The following ABCB4 variants were observed in gnomAD, a reference collection of about 807,000 sequenced individuals.
ABCB4 encodes the protein ATP binding cassette subfamily B member 4, also known as phosphatidylcholine translocator ABCB4.
Under a neutral mutation model 145.7 loss-of-function variants are expected in ABCB4, and 76 were observed. That is an observed-to-expected ratio of 0.52 (90% CI 0.43 to 0.63). The LOEUF (loss-of-function observed/expected upper bound fraction) is 0.63. ABCB4 is among the 30% of genes least tolerant of loss of function. The probability of loss-of-function intolerance (pLI) is 0.00; values close to 1 mark genes in which losing one functional copy is unlikely to be tolerated. For missense variants in ABCB4, 1,234 were observed against 1,553.1 expected, an observed-to-expected ratio of 0.79 and a Z score of 3.45; for synonymous variants, 517 against 566.8, an observed-to-expected ratio of 0.91 and a Z score of 1.25.
At chr7:87,409,463 T>C in intron 23 of ABCB4, 71 bp from the exon 24 acceptor site, 1 of 1,493,006 alleles carries the variant, frequency 6.7e-7, no homozygotes, top group Non-Finnish European at 9.3e-7. Flanking sequence ...AGTCTAAAGG[T>C]ATAGTGCTTA....
intron 14 of ABCB4, among the ~76,000 whole-genome samples, chr7:87,438,370 C>T (rs1367057055): frequency 2.0e-5 from 3 of 152,032 alleles, no homozygotes; most frequent in Non-Finnish European, 4.4e-5. Context: ...ATTTAATATA[C>T]ACAAAAGCAG....
At chr7:87,377,274 A>G in the ABCB4 span, 29 of 837,296 alleles carry the variant, frequency 3.5e-5, 1 homozygote, top group South Asian at 3.8e-4. Context: ...GTGAGATGAT[A>G]TATGTGTTTA....
chr7:87,471,355 A>G (rs1415779448), intron 3 of ABCB4, among the ~76,000 whole-genome samples: 1 of 152,218 alleles, frequency 6.6e-6, no homozygotes, highest in African/African-American at 2.4e-5. Flanking sequence ...CCTAGAACTT[A>G]AAGTATAATT....
intron 2 of ABCB4, 94 bp from the exon 3 acceptor site, chr7:87,472,769 T>G (rs1813520377): frequency 2.2e-6 from 2 of 925,688 alleles, no homozygotes; most frequent in East Asian, 5.3e-5. Context: ...ATTCAACTAT[T>G]ATATTTTCAA....
chr7:87,398,542 A>G (rs1159744231), downstream of ABCB4: 1 of 1,613,786 alleles, frequency 6.2e-7, no homozygotes, highest in Admixed American at 1.7e-5. Flanking sequence ...TGGCCTGTTC[A>G]GCCTGGAAAT....
chr7:87,403,488 T>C, intron 26 of ABCB4: 1 of 567,668 alleles, frequency 1.8e-6, no homozygotes, highest in Non-Finnish European at 3.1e-6. Context: ...ATAATTAACT[T>C]TCTTTAAAAT....
chr7:87,423,693 C>T (rs1809609006), intron 17 of ABCB4: 3 of 592,482 alleles, frequency 5.1e-6, no homozygotes, highest in South Asian at 4.0e-5. Flanking sequence ...ATTGATTTTA[C>T]ATTTTATAAT....
rs8187802 is a variant in ABCB4 at position 87,420,067 on chromosome 7, C to T, written c.2325G>A (p.Thr775=). 2.9e-5 allele frequency: 47 copies of T among 1,613,844 alleles called. No homozygotes were observed. Among genetic ancestry groups the T allele is most frequent in the East Asian group, 1.1e-4 (5 of 44,866 alleles). The change falls in exon 19 of 28, where the codon ACG becomes ACA. Residue 775 remains threonine, a synonymous_variant. Coordinates refer to ENST00000649586, the MANE Select transcript of ABCB4 (RefSeq NM_000443.4). ...TGAGGATCTCGCCAGCTTTCCCAAACGTGAAACCCTGGTTGAGAAAAAAGG... is the reference window on the plus strand; with the variant it reads ...TGAGGATCTCGCCAGCTTTCCCAAATGTGAAACCCTGGTTGAGAAAAAAGG... ...SFFTFFLQGF[T]FGKAGEILTR...
chr7:87,373,815 C>G, the ABCB4 span, among the ~76,000 whole-genome samples: 3 of 151,996 alleles, frequency 2.0e-5, no homozygotes, highest in Admixed American at 2.0e-4. Context: ...AAGACACATT[C>G]AGCAGTGTAA....
intron 26 of ABCB4, 117 bp from the exon 27 acceptor site, chr7:87,403,398 T>TTG: frequency 1.0e-6 from 1 of 952,514 alleles, no homozygotes; most frequent in East Asian, 2.4e-5. Context: ...TGTTTCAACT[T>TTG]AACAGAGTGT....
intron 8 of ABCB4, among the ~76,000 whole-genome samples, chr7:87,448,399 T>A (rs1811487330): frequency 6.6e-6 from 1 of 152,250 alleles, no homozygotes; most frequent in Non-Finnish European, 1.5e-5. Flanking sequence ...TTGTCTTTTT[T>A]ATTGCGTAAA....
intron 3 of ABCB4, among the ~76,000 whole-genome samples, chr7:87,465,210 G>A (rs376261206): frequency 2.3e-4 from 35 of 152,168 alleles, no homozygotes; most frequent in African/African-American, 7.2e-4. Context: ...CTTAGCAAAC[G>A]GCACATCAGG....
At chr7:87,442,074 C>T (rs1235893768) in intron 12 of ABCB4, among the ~76,000 whole-genome samples, 3 of 151,794 alleles carry the variant, frequency 2.0e-5, no homozygotes, top group Non-Finnish European at 4.4e-5. Flanking sequence ...TTCTGAAGAT[C>T]TTTTTTTTCT....
rs1812021874 is a variant in ABCB4, at chr7:87,455,056, CT to C, written c.287-465del. Among the ~76,000 whole-genome samples the C allele has an allele frequency of 3.3e-5, 5 of 150,984 alleles. No homozygotes were observed. In the South Asian group the frequency reaches 1.0e-3, roughly 31 times the overall value. On this transcript the variant is annotated intron_variant, in intron 4 of 27. Coordinates refer to ENST00000649586, the MANE Select transcript of ABCB4 (RefSeq NM_000443.4). ...ACTTCAATAAATTTTATTTTTATAT[CT>C]GTGTGTTTTTTCTTTACATGTCTCA...
chr7:87,446,322 C>T (rs909065028), intron 9 of ABCB4, among the ~76,000 whole-genome samples: 1 of 152,020 alleles, frequency 6.6e-6, no homozygotes, highest in Admixed American at 6.6e-5. Flanking sequence ...GAGTCTCTGA[C>T]ATGAAAAGAT....
At chr7:87,421,978 G>A (rs1365702797) in intron 18 of ABCB4, 143 bp downstream of exon 18, 2 of 663,404 alleles carry the variant, frequency 3.0e-6, no homozygotes, top group African/African-American at 3.7e-5. Context: ...CCCCTGATAA[G>A]GAGTCTACCC....
intron 3 of ABCB4, among the ~76,000 whole-genome samples, chr7:87,463,207 G>A (rs1812584167): frequency 6.6e-6 from 1 of 151,770 alleles, no homozygotes; most frequent in African/African-American, 2.4e-5. Context: ...CAGAGCTCCT[G>A]TGGTAATAAA....
the ABCB4 span, among the ~76,000 whole-genome samples, chr7:87,394,786 G>C: frequency 5.3e-5 from 8 of 152,110 alleles, no homozygotes; most frequent in Non-Finnish European, 1.0e-4. Flanking sequence ...TTACAGGAAG[G>C]TGAAGGATCT....
chr7:87,389,776 A>C, the ABCB4 span, among the ~76,000 whole-genome samples: 3 of 152,222 alleles, frequency 2.0e-5, no homozygotes, highest in Non-Finnish European at 4.4e-5. Context: ...GTATAATAAA[A>C]AAAATTCTGC....
Sources: allele counts gnomAD v4.1 joint callset (sites outside exome capture counted in the v4.1 genomes callset), GRCh38; gene constraint gnomAD v4.1.1; transcripts MANE v1.5; gene names NCBI Gene and HGNC (gene_info 2026-07-23, HGNC 2026-07-21).